CRYGN: variants seen among roughly 807,000 people sequenced by gnomAD.
CRYGN encodes the protein gamma-crystallin N.
Under a neutral mutation model 19.2 loss-of-function variants are expected in CRYGN, and 17 were observed. The ratio of observed to expected loss-of-function variants is 0.89; its 90% CI spans 0.61 to 1.33. The LOEUF is 1.33. CRYGN is among the 40% of genes most tolerant of loss of function. The probability of loss-of-function intolerance (pLI) is 0.00; values close to 1 mark genes in which losing one functional copy is unlikely to be tolerated. For missense variants in CRYGN, 239 were observed against 239.6 expected (o/e 1.00, Z 0.02); for synonymous variants, 84 against 85.8 (o/e 0.98, Z 0.12).
In CRYGN at chr7:151,440,096, G is replaced by A. The variant is rs1801726272; in HGVS notation, c.-179C>T. On this transcript the variant is annotated 5_prime_UTR_variant, in exon 1 of 4. Coordinates refer to ENST00000337323, the MANE Select transcript of CRYGN (RefSeq NM_144727.3). The stretch of plus-strand genomic sequence containing the variant: ...CGCCGCGGCCACCCTGTGCCACCGC[G>A]AGTGCAGCCCGCCCTGCCCGGGGTC... The A allele has an allele frequency of 7.3e-7, 1 of 1,363,846 alleles. No homozygotes were observed. Among genetic ancestry groups the A allele is most frequent in the East Asian group, 3.0e-5 (1 of 33,288 alleles). 84.5% of individuals were successfully genotyped at this position (1,363,846 alleles called of 1,614,324 possible).
upstream of CRYGN, chr7:151,440,223 G>A: frequency 4.7e-6 from 3 of 642,488 alleles, no homozygotes; most frequent in Middle Eastern, 4.6e-4. Context: ...GTGGGGGGAG[G>A]AGGGGAGGTG....
Position 151,431,876 on chromosome 7 carries a change from T to G in CRYGN, c.417-1696A>C, listed in dbSNP as rs923623605. ...GAGCCTGGGGAGTCCTGAACCGGCC[T>G]GGGTTCCGGCCCTGCCCCATCCCCA... is the stretch of plus-strand genomic sequence containing the variant. On this transcript the variant is annotated intron_variant, in intron 3 of 3. Coordinates refer to ENST00000337323, the MANE Select transcript of CRYGN (RefSeq NM_144727.3). This position sits in a 1 kb window ranked among gnomAD's most constrained non-coding sequence, Gnocchi z 4.8. 1 of 257,538 alleles carries G rather than the reference T, an allele frequency of 3.9e-6. No individual in the cohort carries two copies. Among genetic ancestry groups the G allele is most frequent in the African/African-American group, 2.2e-5 (1 of 45,390 alleles). 16.0% of individuals were successfully genotyped at this position (257,538 alleles called of 1,614,324 possible).
At chr7:151,439,611 C>T (rs1018384418) in intron 1 of CRYGN, among the ~76,000 whole-genome samples, 3 of 152,088 alleles carry the variant, frequency 2.0e-5, no homozygotes, top group Admixed American at 2.0e-4. Context: ...AGCCAAGCCT[C>T]CCCCACCCCA....
chr7:151,435,774 A>T lies in CRYGN; in HGVS notation c.416+406T>A, dbSNP rs1801587348. ...GAGCCCACTGTGGCTTTTCCAGCCC[A>T]TAAGGCCCTGGAGGACCCCTTGGTA... is the stretch of plus-strand genomic sequence containing the variant. On this transcript the variant is annotated intron_variant, in intron 3 of 3. Coordinates refer to ENST00000337323, the MANE Select transcript of CRYGN (RefSeq NM_144727.3). This position sits in a 1 kb window ranked among gnomAD's most constrained non-coding sequence, Gnocchi z 4.2. 6.6e-6 allele frequency among the ~76,000 whole-genome samples: 1 copy of T among 152,168 alleles called. No homozygotes were observed.
At position 151,435,475 on chromosome 7, in the gene CRYGN, T is replaced by C. The variant is rs573221923; in HGVS notation, c.416+705A>G. On this transcript the variant is annotated intron_variant, in intron 3 of 3. Transcript: ENST00000337323. The surrounding 1 kb of genome is among the most constrained non-coding windows in gnomAD (Gnocchi z 4.2). Reference sequence around the variant, plus strand: ...GGCCAACTTGAAGGTGCTCAGAGGATAGTTGCAAAAGGGGAGTGTGCGGGA... The same window carrying C: ...GGCCAACTTGAAGGTGCTCAGAGGACAGTTGCAAAAGGGGAGTGTGCGGGA... 2.6e-5 allele frequency among the ~76,000 whole-genome samples: 4 copies of C among 152,112 alleles called. No individual in the cohort carries two copies. Among genetic ancestry groups the C allele is most frequent in the East Asian group, 1.9e-4 (1 of 5,182 alleles).
intron 2 of CRYGN, among the ~76,000 whole-genome samples, chr7:151,437,362 G>A (rs1389690569): frequency 1.3e-5 from 2 of 152,202 alleles, no homozygotes; most frequent in Non-Finnish European, 2.9e-5. Context: ...GCTCACAGCA[G>A]GTCAGTGAGT....
Position 151,440,041 on chromosome 7 carries a change from A to C in CRYGN, c.-124T>G. On this transcript the variant is annotated 5_prime_UTR_variant, in exon 1 of 4. Transcript: ENST00000337323. ...AGCGTTAGTGCTGTCGGGCGTGCTA[A>C]GCCCGAGGGGCCACCAGGCGGTTGG... is the stretch of plus-strand genomic sequence containing the variant. 1.5e-6 allele frequency: 2 copies of C among 1,359,464 alleles called. No homozygotes were observed. The highest frequency in any genetic ancestry group is 1.9e-6 in the Non-Finnish European group (2 of 1,057,824). 84.2% of individuals were successfully genotyped at this position (1,359,464 alleles called of 1,614,324 possible).
At chr7:151,437,958 G>A (rs1801659359) in intron 2 of CRYGN, 38 bp downstream of exon 2, 1 of 1,607,862 alleles carries the variant, frequency 6.2e-7, no homozygotes, top group Non-Finnish European at 8.5e-7. Context: ...GGTCCCTCCA[G>A]CAGGAAGACT....
chr7:151,434,739 G>A (rs139443002), intron 3 of CRYGN, among the ~76,000 whole-genome samples: 87 of 152,278 alleles, frequency 5.7e-4, no homozygotes, highest in African/African-American at 2.0e-3. Flanking sequence ...CTTGGGAACC[G>A]TGGCTTTAAG....
At position 151,436,085 on chromosome 7, in the gene CRYGN, C is replaced by G; in HGVS notation, c.416+95G>C. 1 of 1,056,214 alleles carries G rather than the reference C, an allele frequency of 9.5e-7. No homozygotes were observed. The highest frequency in any genetic ancestry group is 1.2e-6 in the Non-Finnish European group (1 of 804,204). 65.4% of individuals were successfully genotyped at this position (1,056,214 alleles called of 1,614,324 possible). The stretch of plus-strand genomic sequence containing the variant: ...CCACTGCTGGAGGTCTCATTCCCAC[C>G]CCACCCACCACCCCTGTGTGGCGGG... On this transcript the variant is annotated intron_variant, in intron 3 of 3. Coordinates refer to ENST00000337323, the MANE Select transcript of CRYGN (RefSeq NM_144727.3). The surrounding 1 kb of genome is among the most constrained non-coding windows in gnomAD (Gnocchi z 5.1).
chr7:151,429,882 C>A lies in CRYGN; in HGVS notation c.*166G>T. On this transcript the variant is annotated 3_prime_UTR_variant, in exon 4 of 4. Transcript: ENST00000337323. Reference sequence around the variant, plus strand: ...CGGCTGTTTCAGAAGAGACAGGGCCCTTGCCATGGGTGGGGAGGGCCTCCC... The same window carrying A: ...CGGCTGTTTCAGAAGAGACAGGGCCATTGCCATGGGTGGGGAGGGCCTCCC... The A allele has an allele frequency of 1.5e-6, 1 of 654,708 alleles. No homozygotes were observed. 40.6% of individuals were successfully genotyped at this position (654,708 alleles called of 1,614,324 possible). A position where few individuals can be genotyped will look rare whatever the true frequency, so the allele number is the denominator to read the frequency against.
Position 151,432,339 on chromosome 7 carries a change from C to T in CRYGN, c.417-2159G>A, listed in dbSNP as rs143965931. The T allele has an allele frequency of 7.9e-3, 8,454 of 1,068,520 alleles. 45 individuals carry two copies. Among genetic ancestry groups the T allele is most frequent in the Non-Finnish European group, 8.5e-3 (7,093 of 838,834 alleles). 66.2% of individuals were successfully genotyped at this position (1,068,520 alleles called of 1,614,324 possible). A position where few individuals can be genotyped will look rare whatever the true frequency, so the allele number is the denominator to read the frequency against. Reference sequence around the variant, plus strand: ...GCTGCCAGGAAGTCCCCCGGGACTCCGGAGAGAAAAGCCTGCACAGCCTGG... The same window carrying T: ...GCTGCCAGGAAGTCCCCCGGGACTCTGGAGAGAAAAGCCTGCACAGCCTGG... On this transcript the variant is annotated intron_variant, in intron 3 of 3. Coordinates refer to ENST00000337323, the MANE Select transcript of CRYGN (RefSeq NM_144727.3).
Position 151,430,315 on chromosome 7 carries a change from T to C in CRYGN, c.417-135A>G. 2 of 838,636 alleles carry C rather than the reference T, an allele frequency of 2.4e-6. No individual in the cohort carries two copies. Among genetic ancestry groups the C allele is most frequent in the Admixed American group, 2.8e-5 (1 of 36,072 alleles). The allele number at this position is 838,636 out of a possible 1,614,324, so 51.9% of individuals were successfully genotyped here. ...GGCGGAGTGGACGGTTGCCTAGTGG[T>C]TTCATGTCTTCATTTGGCCTCGGCT... On this transcript the variant is annotated intron_variant, in intron 3 of 3. Coordinates refer to ENST00000337323, the MANE Select transcript of CRYGN (RefSeq NM_144727.3). The surrounding 1 kb of genome is among the most constrained non-coding windows in gnomAD (Gnocchi z 5.2).
At chr7:151,432,317 G>T (rs907298196) in intron 3 of CRYGN, 36 of 1,162,986 alleles carry the variant, frequency 3.1e-5, no homozygotes, top group Non-Finnish European at 3.8e-5. Context: ...ATCAGGGGCT[G>T]CCAGGAAGTC....
At chr7:151,438,464 C>T (rs1450127540) in intron 1 of CRYGN, among the ~76,000 whole-genome samples, 1 of 152,244 alleles carries the variant, frequency 6.6e-6, no homozygotes, top group Non-Finnish European at 1.5e-5. Context: ...TTCCTCCCCA[C>T]CCTTAGGAGC....
At chr7:151,432,234 C>G in intron 3 of CRYGN, 2 of 1,232,224 alleles carry the variant, frequency 1.6e-6, no homozygotes, top group Non-Finnish European at 2.0e-6. Context: ...AGTCGCCACT[C>G]TCCACCACGT....
intron 2 of CRYGN, 174 bp downstream of exon 2, chr7:151,437,822 G>T: frequency 6.8e-7 from 1 of 1,479,030 alleles, no homozygotes; most frequent in Non-Finnish European, 9.0e-7. Flanking sequence ...TAGCAACTTG[G>T]CCCCCCACCT....
Position 151,435,592 on chromosome 7 carries a change from C to T in CRYGN, c.416+588G>A, listed in dbSNP as rs906879280. On this transcript the variant is annotated intron_variant, in intron 3 of 3. Transcript: ENST00000337323. This position sits in a 1 kb window ranked among gnomAD's most constrained non-coding sequence, Gnocchi z 4.2. Reference sequence around the variant, plus strand: ...ACCCATCTGGGCCTGGGCAAAATTCCCCCAGCTACTTTCTGTCCAGGAGTG... The same window carrying T: ...ACCCATCTGGGCCTGGGCAAAATTCTCCCAGCTACTTTCTGTCCAGGAGTG... 2.0e-5 allele frequency among the ~76,000 whole-genome samples: 3 copies of T among 152,096 alleles called. No individual in the cohort carries two copies. Among genetic ancestry groups the T allele is most frequent in the Non-Finnish European group, 4.4e-5 (3 of 68,010 alleles).
chr7:151,439,764 A>AT, intron 1 of CRYGN, 133 bp downstream of exon 1: 1 of 1,033,678 alleles, frequency 9.7e-7, no homozygotes, highest in Non-Finnish European at 1.3e-6. Flanking sequence ...AGGCCACCCC[A>AT]TTTTATTAAG....
Sources: allele counts gnomAD v4.1 joint callset (sites outside exome capture counted in the v4.1 genomes callset), GRCh38; gene constraint gnomAD v4.1.1; non-coding constraint Gnocchi (gnomAD v3.1); transcripts MANE v1.5; gene names NCBI Gene and HGNC (gene_info 2026-07-23, HGNC 2026-07-21).